The following MEI4 variants were observed in gnomAD, a reference collection of about 807,000 sequenced individuals.
MEI4 encodes the protein meiosis-specific protein MEI4.
MEI4 carries 27 observed loss-of-function variants against 31.4 expected under a neutral mutation model. The ratio of observed to expected loss-of-function variants is 0.86; its 90% confidence interval spans 0.63 to 1.19. The LOEUF (loss-of-function observed/expected upper bound fraction) is 1.19. MEI4 is among the 50% of genes most tolerant of loss of function. The probability of loss-of-function intolerance (pLI) is 0.00; values close to 1 mark genes in which losing one functional copy is unlikely to be tolerated. For missense variants in MEI4, 329 were observed against 398.9 expected, an observed-to-expected ratio of 0.82 and a Z score of 1.49; for synonymous variants, 122 against 145.4, an observed-to-expected ratio of 0.84 and a Z score of 1.16.
intron 4 of MEI4, among the ~76,000 whole-genome samples, chr6:77,840,695 G>T (rs1391398025): frequency 6.6e-6 from 1 of 151,968 alleles, no homozygotes; most frequent in African/African-American, 2.4e-5. Context: ...CATATTGATG[G>T]TGATTGGGCT....
At chr6:77,802,821 G>T (rs1286788170) in intron 3 of MEI4, among the ~76,000 whole-genome samples, 1 of 152,198 alleles carries the variant, frequency 6.6e-6, no homozygotes, top group Non-Finnish European at 1.5e-5. Flanking sequence ...CTGGCTTGTA[G>T]AGTTTCTGCT....
At chr6:77,703,278 T>C (rs953576) in intron 2 of MEI4, among the ~76,000 whole-genome samples, 20,980 of 152,194 alleles carry the variant, frequency 0.14, 1,530 homozygotes, top group Middle Eastern at 0.21. Context: ...ACAGTGGAAG[T>C]AGAATACAGA....
Position 77,792,248 on chromosome 6 carries a change from T to G in MEI4, c.768+30583T>G, listed in dbSNP as rs117280467. Among the ~76,000 whole-genome samples the G allele has an allele frequency of 5.0e-4, 76 of 152,262 alleles. No individual in the cohort carries two copies. In the East Asian group the frequency reaches 9.1e-3, roughly 18 times the overall value. ...ATCTTTTAATTATTGTGAGGAAGGC[T>G]GCAAGGAACATGGGAGAATATATGT... On this transcript the variant is annotated intron_variant, in intron 3 of 4. Coordinates refer to ENST00000684080, the MANE Select transcript of MEI4 (RefSeq NM_001322247.2).
chr6:77,652,805 C>G (rs1302098039), upstream of MEI4, among the ~76,000 whole-genome samples: 1 of 152,094 alleles, frequency 6.6e-6, no homozygotes, highest in East Asian at 1.9e-4. Flanking sequence ...TCTGAACAGA[C>G]AGGAAATGGG....
chr6:77,769,530 C>T (rs2127685972), intron 3 of MEI4, among the ~76,000 whole-genome samples: 1 of 152,226 alleles, frequency 6.6e-6, no homozygotes, highest in South Asian at 2.1e-4. Flanking sequence ...CTGAGACAAC[C>T]AAGGAAGTGC....
intron 4 of MEI4, among the ~76,000 whole-genome samples, chr6:77,903,890 C>T (rs1167539537): frequency 6.6e-6 from 1 of 151,958 alleles, no homozygotes; most frequent in Non-Finnish European, 1.5e-5. Context: ...ATTTAGTTTT[C>T]ATTTATTTGG....
intron 2 of MEI4, among the ~76,000 whole-genome samples, chr6:77,760,493 CTTACTT>C (rs977095062): frequency 2.0e-5 from 3 of 152,074 alleles, no homozygotes; most frequent in Non-Finnish European, 4.4e-5. Flanking sequence ...ATCTTAGTCT[CTTACTT>C]TATACTTTCT....
In MEI4 at chr6:77,761,120, T is replaced by A; in HGVS notation, c.233-10T>A. 1 of 1,231,690 alleles carries A rather than the reference T, an allele frequency of 8.1e-7. No homozygotes were observed. The highest frequency in any genetic ancestry group is 1.0e-6 in the Non-Finnish European group (1 of 987,580). 76.3% of individuals were successfully genotyped at this position (1,231,690 alleles called of 1,614,324 possible). The stretch of plus-strand genomic sequence containing the variant: ...CATGAAGATAATCCTTCTATTCCTT[T>A]ATTTTTCAGGATACGTTTCCTCCCA... On this transcript the variant is annotated splice_polypyrimidine_tract_variant and intron_variant, in intron 2 of 4. Coordinates refer to ENST00000684080, the MANE Select transcript of MEI4 (RefSeq NM_001322247.2).
At chr6:77,675,220 G>A (rs1007046373) in intron 1 of MEI4, among the ~76,000 whole-genome samples, 4 of 151,838 alleles carry the variant, frequency 2.6e-5, no homozygotes, top group Admixed American at 2.0e-4. Flanking sequence ...CATTTTTAAT[G>A]GATTATCTTT....
intron 1 of MEI4, among the ~76,000 whole-genome samples, chr6:77,687,581 C>T (rs565508461): frequency 6.6e-6 from 1 of 152,200 alleles, no homozygotes; most frequent in East Asian, 1.9e-4. Context: ...GGTACTGGGC[C>T]CGTAGGTTAC....
At chr6:77,844,290 G>T (rs751806511) in intron 4 of MEI4, among the ~76,000 whole-genome samples, 10 of 152,184 alleles carry the variant, frequency 6.6e-5, no homozygotes, top group African/African-American at 2.2e-4. Flanking sequence ...AGAGTTCCTC[G>T]TCACAAAGCC....
chr6:77,791,528 T>C (rs1386698820), intron 3 of MEI4, among the ~76,000 whole-genome samples: 1 of 104,132 alleles, frequency 9.6e-6, no homozygotes, highest in Non-Finnish European at 1.8e-5. Flanking sequence ...CTGGCGACTG[T>C]TGTGGGGTGG....
At chr6:77,835,398 ACACACAAAT>A (rs1770192091) in intron 4 of MEI4, among the ~76,000 whole-genome samples, 1 of 133,938 alleles carries the variant, frequency 7.5e-6, no homozygotes, top group Admixed American at 7.3e-5. Context: ...ACACACACAC[ACACACAAAT>A]AAAAAAAAAA....
At position 77,926,415 on chromosome 6, in the gene MEI4, A is replaced by AG. The variant is rs1384984042; in HGVS notation, c.*3071dup. On this transcript the variant is annotated 3_prime_UTR_variant, in exon 5 of 5. Coordinates refer to ENST00000684080, the MANE Select transcript of MEI4 (RefSeq NM_001322247.2). The stretch of plus-strand genomic sequence containing the variant: ...TACAGAGCTCCCTCCAGAGGTGTTT[A>AG]GGTAGACTGTGAGGCTGTAATGATA... 2.0e-5 allele frequency: 3 copies of AG among 151,946 alleles called. No individual in the cohort carries two copies. The highest frequency in any genetic ancestry group is 4.4e-5 in the Non-Finnish European group (3 of 67,934). The allele number at this position is 151,946 out of a possible 1,614,324, so 9.4% of individuals were successfully genotyped here.
intron 4 of MEI4, among the ~76,000 whole-genome samples, chr6:77,879,554 C>T (rs1282616890): frequency 6.6e-6 from 1 of 152,156 alleles, no homozygotes; most frequent in African/African-American, 2.4e-5. Context: ...ATTTTGATTT[C>T]ATAACTATGG....
intron 4 of MEI4, among the ~76,000 whole-genome samples, chr6:77,922,381 T>G (rs558843119): frequency 2.0e-5 from 3 of 151,740 alleles, no homozygotes; most frequent in African/African-American, 7.2e-5. Context: ...TGATAAACTA[T>G]CTGCTCACCT....
intron 3 of MEI4, among the ~76,000 whole-genome samples, chr6:77,826,801 C>T (rs1327036717): frequency 6.6e-6 from 1 of 152,158 alleles, no homozygotes; most frequent in Non-Finnish European, 1.5e-5. Flanking sequence ...TAATTGGAAA[C>T]ACTACCTAAT....
intron 2 of MEI4, among the ~76,000 whole-genome samples, chr6:77,700,388 C>T (rs183508456): frequency 0.011 from 1,704 of 152,346 alleles, 14 homozygotes; most frequent in Non-Finnish European, 0.017. Context: ...GTAGGACCCT[C>T]CTAGCCATGT....
intron 4 of MEI4, among the ~76,000 whole-genome samples, chr6:77,881,061 A>AT (rs1188605412): frequency 1.3e-5 from 2 of 148,456 alleles, no homozygotes; most frequent in East Asian, 2.0e-4. Flanking sequence ...AAGTATCTAG[A>AT]TTTTTTTCTG....
Sources: allele counts gnomAD v4.1 joint callset (sites outside exome capture counted in the v4.1 genomes callset), GRCh38; gene constraint gnomAD v4.1.1; transcripts MANE v1.5; gene names NCBI Gene and HGNC (gene_info 2026-07-23, HGNC 2026-07-21).